PGM2: variants seen among roughly 807,000 people sequenced by gnomAD.
PGM2 encodes the protein phosphoglucomutase 2, also known as phosphopentomutase.
PGM2 carries 57 observed loss-of-function variants against 74.6 expected under a neutral mutation model. The ratio of observed to expected loss-of-function variants is 0.76; its 90% confidence interval spans 0.62 to 0.95. PGM2 has a LOEUF of 0.95. Ranked by LOEUF, PGM2 falls within the 40% of genes least tolerant of loss-of-function variation. The pLI is 0.00. For missense variants in PGM2, 706 were observed against 741.9 expected, an observed-to-expected ratio of 0.95 and a Z score of 0.56; for synonymous variants, 273 against 260.7, an observed-to-expected ratio of 1.05 and a Z score of -0.46.
In PGM2 at chr4:37,850,192, A is replaced by G; in HGVS notation, c.1421A>G (p.Tyr474Cys). ...QLKAIYVEYG[Y>C]HITKASYFIC... ...TTGTATTTGTTTGATAGGTATGGCT[A>G]CCATATTACTAAAGCTTCCTATTTT... Residue 474 changes from tyrosine to cysteine, a missense_variant, in exon 12 of 14, where the codon TAC becomes TGC. Transcript: ENST00000381967. 3 of 1,551,006 alleles carry G rather than the reference A, an allele frequency of 1.9e-6. No individual in the cohort carries two copies. The highest frequency in any genetic ancestry group is 2.6e-6 in the Non-Finnish European group (3 of 1,145,666).
chr4:37,861,251 G>C (rs568633938), intron 13 of PGM2, among the ~76,000 whole-genome samples: 1 of 152,286 alleles, frequency 6.6e-6, no homozygotes, highest in African/African-American at 2.4e-5. Flanking sequence ...AGTCTTATGA[G>C]AAGAGCAAAG....
chr4:37,846,629 G>A (rs561371180), intron 8 of PGM2, among the ~76,000 whole-genome samples: 29 of 152,120 alleles, frequency 1.9e-4, no homozygotes, highest in Non-Finnish European at 4.0e-4. Context: ...AAAACCAAAG[G>A]CTTTGCCAAA....
At chr4:37,855,156 A>G (rs4444838) in intron 12 of PGM2, among the ~76,000 whole-genome samples, 1 of 151,986 alleles carries the variant, frequency 6.6e-6, no homozygotes, top group Non-Finnish European at 1.5e-5. Flanking sequence ...CTGAAACTTT[A>G]GGCCCTTTGA....
chr4:37,832,536 A>G (rs1250631928), intron 2 of PGM2, among the ~76,000 whole-genome samples: 3 of 152,260 alleles, frequency 2.0e-5, no homozygotes, highest in Non-Finnish European at 4.4e-5. Context: ...CAAAGGAAAC[A>G]GGACAGAGAC....
chr4:37,828,555 C>T (rs1236605557), intron 1 of PGM2, among the ~76,000 whole-genome samples: 2 of 152,176 alleles, frequency 1.3e-5, no homozygotes, highest in African/African-American at 4.8e-5. Flanking sequence ...TTCATCCCTG[C>T]TCTTTTCTCT....
intron 13 of PGM2, among the ~76,000 whole-genome samples, chr4:37,858,326 GTTT>G (rs1038569915): frequency 1.2e-4 from 18 of 144,792 alleles, no homozygotes; most frequent in Middle Eastern, 3.5e-3. Context: ...CAGCAATAAA[GTTT>G]TTTTTGTTTT....
chr4:37,835,776 G>A (rs1466777203), intron 3 of PGM2, among the ~76,000 whole-genome samples: 1 of 152,212 alleles, frequency 6.6e-6, no homozygotes, highest in Non-Finnish European at 1.5e-5. Flanking sequence ...AAATCACCCG[G>A]TGGCATCAGC....
chr4:37,849,160 A>G (rs1725964477), intron 11 of PGM2, among the ~76,000 whole-genome samples: 2 of 152,126 alleles, frequency 1.3e-5, no homozygotes, highest in South Asian at 2.1e-4. Context: ...TCCCGATCGC[A>G]TTAATTCTTA....
chr4:37,853,548 AT>A (rs1445886306), intron 12 of PGM2, among the ~76,000 whole-genome samples: 1 of 152,004 alleles, frequency 6.6e-6, no homozygotes. Context: ...CAAAAGTCTG[AT>A]GATCCTTAAT....
chr4:37,830,988 G>A (rs959156576), intron 2 of PGM2, among the ~76,000 whole-genome samples: 10 of 152,164 alleles, frequency 6.6e-5, no homozygotes, highest in African/African-American at 2.4e-4. Context: ...GAGCCTAGGA[G>A]TTCATGACCA....
At chr4:37,837,449 G>A in intron 3 of PGM2, 80 bp from the exon 4 acceptor site, 2 of 834,888 alleles carry the variant, frequency 2.4e-6, no homozygotes, top group Non-Finnish European at 4.2e-6. Flanking sequence ...AGAACATTCA[G>A]CATTCATTTC....
chr4:37,826,826 A>G lies in PGM2; in HGVS notation c.81+13A>G. The G allele has an allele frequency of 6.5e-7, 1 of 1,528,084 alleles. No individual in the cohort carries two copies. Among genetic ancestry groups the G allele is most frequent in the Non-Finnish European group, 8.9e-7 (1 of 1,128,170 alleles). The allele number at this position is 1,528,084 out of a possible 1,614,324, so 94.7% of individuals were successfully genotyped here. ...GCGCTGGGACAAGGTGAGGGGCACCAGCAGGCGGGGAGCGCCTGGAGCGGG... is the reference window on the plus strand; with the variant it reads ...GCGCTGGGACAAGGTGAGGGGCACCGGCAGGCGGGGAGCGCCTGGAGCGGG... On this transcript the variant is annotated intron_variant, in intron 1 of 13. Coordinates refer to ENST00000381967, the MANE Select transcript of PGM2 (RefSeq NM_018290.4).
intron 12 of PGM2, 104 bp from the exon 13 acceptor site, chr4:37,855,503 AC>A: frequency 1.0e-6 from 1 of 984,898 alleles, no homozygotes; most frequent in Non-Finnish European, 1.5e-6. Flanking sequence ...TTCTTTTCTA[AC>A]CAATAGATTT....
intron 8 of PGM2, among the ~76,000 whole-genome samples, 159 bp from the exon 9 acceptor site, chr4:37,846,772 A>G (rs185191015): frequency 6.6e-5 from 10 of 152,390 alleles, no homozygotes; most frequent in Non-Finnish European, 1.5e-5. Flanking sequence ...TGGCAGTTAC[A>G]TTTCTGACCA....
At position 37,826,791 on chromosome 4, in the gene PGM2, C is replaced by T; in HGVS notation, c.59C>T (p.Ala20Val). The T allele has an allele frequency of 1.3e-6, 2 of 1,548,646 alleles. No homozygotes were observed. Among genetic ancestry groups the T allele is most frequent in the South Asian group, 1.2e-5 (1 of 84,014 alleles). The change falls in exon 1 of 14, where the codon GCC becomes GTC. Residue 20 changes from alanine (A) to valine (V), a missense_variant. Around this residue, in one of 3 missense-constraint regions of PGM2, gnomAD observed 332 missense variants for 334.9 expected, o/e 0.99. Coordinates refer to ENST00000381967, the MANE Select transcript of PGM2 (RefSeq NM_018290.4). ...GACGCCCGGCTGGACCAGGAGACCG[C>T]CCAGTGGCTGCGCTGGGACAAGGTG... ...GEDARLDQETAQWLRWDKNSL... is the reference protein window; with the variant it reads ...GEDARLDQETVQWLRWDKNSL...
At chr4:37,828,823 C>G (rs1725363183) in intron 1 of PGM2, among the ~76,000 whole-genome samples, 1 of 152,138 alleles carries the variant, frequency 6.6e-6, no homozygotes, top group Non-Finnish European at 1.5e-5. Context: ...TTTTATGTAC[C>G]TGATCTGAGC....
At position 37,846,969 on chromosome 4, in the gene PGM2, C is replaced by A. The variant is rs752488441; in HGVS notation, c.1046C>A (p.Ala349Asp). ...WRVFSGNELG[A>D]LLGWWLFTSW... is the part of the protein sequence containing the mutation. ...GTGTTTTCAGGCAATGAGTTGGGGG[C>A]CCTCCTGGGCTGGTGGCTTTTTACA... The change falls in exon 9 of 14, where the codon GCC becomes GAC. Residue 349 changes from alanine (A) to aspartate (D), a missense_variant. Transcript: ENST00000381967. The A allele has an allele frequency of 3.1e-6, 5 of 1,613,124 alleles. No homozygotes were observed. Among genetic ancestry groups the A allele is most frequent in the Non-Finnish European group, 4.2e-6 (5 of 1,179,606 alleles).
At chr4:37,856,213 G>A (rs376205835) in intron 13 of PGM2, among the ~76,000 whole-genome samples, 5 of 151,752 alleles carry the variant, frequency 3.3e-5, no homozygotes, top group Admixed American at 2.0e-4. Flanking sequence ...GTGAAACCCC[G>A]TCTCTACTAA....
intron 12 of PGM2, among the ~76,000 whole-genome samples, chr4:37,852,085 T>A (rs1267977162): frequency 3.5e-5 from 5 of 142,386 alleles, no homozygotes; most frequent in Non-Finnish European, 4.6e-5. Context: ...TCCTCCCACC[T>A]CACCCTCCTG....
Sources: allele counts gnomAD v4.1 joint callset (sites outside exome capture counted in the v4.1 genomes callset), GRCh38; gene constraint gnomAD v4.1.1; regional missense constraint gnomAD v4.1.1; transcripts MANE v1.5; gene names NCBI Gene and HGNC (gene_info 2026-07-23, HGNC 2026-07-21).